DLG2: variants seen among roughly 807,000 people sequenced by gnomAD.
The protein encoded by DLG2 is discs large MAGUK scaffold protein 2.
DLG2 carries 45 observed loss-of-function variants against 132.5 expected under a neutral mutation model. That is an observed-to-expected ratio of 0.34 (90% CI 0.27 to 0.44). The LOEUF is 0.44. Among genes scored for constraint, DLG2 ranks in the 20% least tolerant of loss-of-function variants. The pLI is 1.00. For missense variants in DLG2, 1,045 were observed against 1,196.9 expected, an observed-to-expected ratio of 0.87 and a Z score of 1.87; for synonymous variants, 424 against 419.6, an observed-to-expected ratio of 1.01 and a Z score of -0.13.
At chr11:85,398,289 G>A (rs2087623156) in intron 3 of DLG2, among the ~76,000 whole-genome samples, 1 of 152,046 alleles carries the variant, frequency 6.6e-6, no homozygotes, top group Non-Finnish European at 1.5e-5. Flanking sequence ...GTTTGAAGAG[G>A]GAAATTTATA....
chr11:83,696,384 A>G lies in DLG2; in HGVS notation c.1826-63059T>C, dbSNP rs78759577. On this transcript the variant is annotated intron_variant, in intron 18 of 27. Transcript: ENST00000376104. The stretch of plus-strand genomic sequence containing the variant: ...CCAACGTGGCAGGTGAGAGGGCGAC[A>G]TTTTGTGGCTATATGAGAATGCACT... Among the ~76,000 whole-genome samples, 969 of 152,228 alleles carry G rather than the reference A, an allele frequency of 6.4e-3. 8 individuals carry two copies. The highest frequency in any genetic ancestry group is 0.022 in the African/African-American group (918 of 41,552).
At chr11:84,000,510 G>A (rs1361407731) in intron 11 of DLG2, among the ~76,000 whole-genome samples, 4 of 152,010 alleles carry the variant, frequency 2.6e-5, no homozygotes, top group African/African-American at 9.7e-5. Flanking sequence ...TCCAGATACA[G>A]GAGGCTCTGA....
intron 7 of DLG2, among the ~76,000 whole-genome samples, chr11:84,371,335 C>T (rs1466748817): frequency 6.6e-6 from 1 of 151,408 alleles, no homozygotes; most frequent in Non-Finnish European, 1.5e-5. Context: ...TTACTGCAGC[C>T]TCAACCACCC....
chr11:85,214,238 T>C (rs889889508), intron 4 of DLG2, among the ~76,000 whole-genome samples: 2 of 152,176 alleles, frequency 1.3e-5, no homozygotes, highest in African/African-American at 2.4e-5. Context: ...AACTCCTTTT[T>C]AGCTCTCGTC....
chr11:85,466,091 A>G (rs286518), intron 3 of DLG2, among the ~76,000 whole-genome samples: 128,743 of 152,192 alleles, frequency 0.85, 54,883 homozygotes, highest in Non-Finnish European at 0.91. Context: ...TCTTTTGACT[A>G]CATAAATGTC....
At chr11:84,383,049 G>C (rs1377716382) in intron 7 of DLG2, among the ~76,000 whole-genome samples, 2 of 151,822 alleles carry the variant, frequency 1.3e-5, no homozygotes, top group African/African-American at 4.8e-5. Context: ...CTCTGACCAT[G>C]GTGCTTCCTG....
intron 3 of DLG2, among the ~76,000 whole-genome samples, chr11:85,384,714 C>T (rs2086182827): frequency 6.6e-6 from 1 of 152,102 alleles, no homozygotes; most frequent in Non-Finnish European, 1.5e-5. Context: ...ACTACAGGTG[C>T]ATGCCACCAT....
At chr11:84,476,276 A>T (rs2099121480) in intron 7 of DLG2, among the ~76,000 whole-genome samples, 1 of 152,162 alleles carries the variant, frequency 6.6e-6, no homozygotes, top group African/African-American at 2.4e-5. Context: ...ATGACTGGAA[A>T]TTATTTCTTT....
intron 6 of DLG2, among the ~76,000 whole-genome samples, chr11:84,704,783 T>C (rs906954217): frequency 4.6e-5 from 7 of 151,204 alleles, no homozygotes; most frequent in African/African-American, 1.5e-4. Context: ...TTCCCACTTC[T>C]TGATTGGTTC....
chr11:84,937,887 GT>G (rs2048941696), intron 6 of DLG2, among the ~76,000 whole-genome samples: 2 of 152,172 alleles, frequency 1.3e-5, no homozygotes, highest in Non-Finnish European at 1.5e-5. Flanking sequence ...CACTGTCTGT[GT>G]TTTCAAACAC....
intron 4 of DLG2, among the ~76,000 whole-genome samples, chr11:85,160,075 C>A (rs2077909978): frequency 6.6e-6 from 1 of 152,144 alleles, no homozygotes; most frequent in Non-Finnish European, 1.5e-5. Context: ...CAAGATATTC[C>A]TTCTAAGGTA....
chr11:84,316,487 AAAT>A (rs2098357195), intron 7 of DLG2, among the ~76,000 whole-genome samples: 1 of 152,210 alleles, frequency 6.6e-6, no homozygotes, highest in South Asian at 2.1e-4. Flanking sequence ...CTCTTTAAAA[AAAT>A]AATAATAAAC....
Position 85,322,231 on chromosome 11 carries a change from T to C in DLG2, c.41-36866A>G, listed in dbSNP as rs1453164372. 3.3e-5 allele frequency among the ~76,000 whole-genome samples: 5 copies of C among 152,068 alleles called. No individual in the cohort carries two copies. In the East Asian group the frequency reaches 9.6e-4, roughly 29 times the overall value. On this transcript the variant is annotated intron_variant, in intron 3 of 27. Coordinates refer to ENST00000376104, the MANE Select transcript of DLG2 (RefSeq NM_001142699.3). ...GATTCCTCTACATCACCGCCACCCA[T>C]AAGCCCCTTTCCGTGTAAATTTTCC...
intron 17 of DLG2, among the ~76,000 whole-genome samples, chr11:83,822,089 C>A (rs916675676): frequency 1.3e-5 from 2 of 152,134 alleles, no homozygotes; most frequent in Non-Finnish European, 2.9e-5. Flanking sequence ...TGAAGCTGGG[C>A]AGACCTAGAG....
At chr11:84,836,696 T>C (rs17147618) in intron 6 of DLG2, among the ~76,000 whole-genome samples, 3,765 of 151,926 alleles carry the variant, frequency 0.025, 177 homozygotes, top group African/African-American at 0.086. Context: ...ACAGTGCTGA[T>C]TGCAATATAA....
intron 3 of DLG2, among the ~76,000 whole-genome samples, chr11:85,451,033 C>A (rs1186545727): frequency 6.6e-6 from 1 of 152,110 alleles, no homozygotes; most frequent in African/African-American, 2.4e-5. Context: ...ATGTGTATCA[C>A]CAACCCAAAA....
chr11:84,466,927 A>C (rs2099095963), intron 7 of DLG2, among the ~76,000 whole-genome samples: 1 of 151,390 alleles, frequency 6.6e-6, no homozygotes, highest in Non-Finnish European at 1.5e-5. Flanking sequence ...AAAAGCAAGA[A>C]ATTTTAAGGG....
chr11:84,753,453 T>A (rs1380307232), intron 6 of DLG2, among the ~76,000 whole-genome samples: 3 of 152,192 alleles, frequency 2.0e-5, no homozygotes, highest in Non-Finnish European at 2.9e-5. Flanking sequence ...AATATAGAGC[T>A]TATAGGATTT....
At chr11:84,562,116 T>C (rs1272622046) in intron 6 of DLG2, among the ~76,000 whole-genome samples, 2 of 152,150 alleles carry the variant, frequency 1.3e-5, no homozygotes, top group African/African-American at 2.4e-5. Flanking sequence ...AAGCAATGTA[T>C]AATAGAATCA....
Sources: gnomAD v4.1 joint callset for allele counts (sites outside exome capture counted in the v4.1 genomes callset) on GRCh38, gnomAD v4.1.1 for gene constraint, MANE v1.5 for transcripts, NCBI Gene and HGNC (gene_info 2026-07-23, HGNC 2026-07-21) for gene names.